Variants in CDON observed in about 807,000 individuals in gnomAD.
CDON encodes the protein cell adhesion associated, oncogene regulated, also known as cell adhesion molecule-related/down-regulated by oncogenes.
In CDON, 73 loss-of-function variants were observed where a neutral mutation model predicts 120.9. The ratio of observed to expected loss-of-function variants is 0.60; its 90% CI spans 0.50 to 0.73. CDON has a LOEUF of 0.73. Ranked by LOEUF, CDON falls within the 30% of genes least tolerant of loss-of-function variation. The probability of loss-of-function intolerance (pLI) is 0.00; values close to 1 mark genes in which losing one functional copy is unlikely to be tolerated. For synonymous variants in CDON, 566 were observed against 573.5 expected, an observed-to-expected ratio of 0.99 and a Z score of 0.19; for missense variants, 1,470 against 1,587.3, an observed-to-expected ratio of 0.93 and a Z score of 1.26.
intron 5 of CDON, among the ~76,000 whole-genome samples, chr11:126,017,751 C>T (rs2134673506): frequency 6.6e-6 from 1 of 150,664 alleles, no homozygotes; most frequent in Admixed American, 6.6e-5. Context: ...TTAATGACCA[C>T]TACTATAAAG....
chr11:125,974,134 G>A (rs1946082637), intron 18 of CDON, among the ~76,000 whole-genome samples: 1 of 151,526 alleles, frequency 6.6e-6, no homozygotes, highest in South Asian at 2.1e-4. Flanking sequence ...GACCTCAGGT[G>A]ATCCGCCCGC....
At chr11:125,999,203 C>T (rs1157355023) in intron 11 of CDON, among the ~76,000 whole-genome samples, 1 of 152,114 alleles carries the variant, frequency 6.6e-6, no homozygotes, top group African/African-American at 2.4e-5. Context: ...ACTAGAAAAA[C>T]CAAACAACTT....
intron 1 of CDON, among the ~76,000 whole-genome samples, chr11:126,060,577 A>C (rs1312206699): frequency 1.3e-5 from 2 of 152,182 alleles, no homozygotes; most frequent in Non-Finnish European, 2.9e-5. Flanking sequence ...ATTCTACAGA[A>C]GGAAAATTTT....
At chr11:125,982,074 C>T (rs1946328973) in intron 16 of CDON, among the ~76,000 whole-genome samples, 1 of 144,620 alleles carries the variant, frequency 6.9e-6, no homozygotes, top group Admixed American at 7.3e-5. Flanking sequence ...ACCTCTGCCT[C>T]CCGGGTTCAA....
chr11:126,000,592 G>A (rs927007682), intron 11 of CDON, among the ~76,000 whole-genome samples: 4 of 149,476 alleles, frequency 2.7e-5, no homozygotes, highest in Non-Finnish European at 5.9e-5. Flanking sequence ...ATCTGCCAGA[G>A]GGTGTATAAA....
rs371915998 is a variant in CDON at position 126,018,493 on chromosome 11, C to A, written c.497-20G>T. 4.8e-4 allele frequency: 777 copies of A among 1,609,290 alleles called. No individual in the cohort carries two copies. The highest frequency in any genetic ancestry group is 6.2e-4 in the Non-Finnish European group (729 of 1,175,882). ...AATTCTCTGAGGAAGGAAGGGAGTG[C>A]AGTTAGGCCTCTCCCTTTATGAAGG... On this transcript the variant is annotated intron_variant, in intron 4 of 19. Coordinates refer to ENST00000531738, the MANE Select transcript of CDON (RefSeq NM_001378964.1).
At chr11:126,031,585 G>C (rs1415540553) in intron 1 of CDON, among the ~76,000 whole-genome samples, 1 of 152,174 alleles carries the variant, frequency 6.6e-6, no homozygotes, top group African/African-American at 2.4e-5. Context: ...AACTGAGGGG[G>C]AGGACAGTGG....
chr11:125,992,591 T>C (rs766613258), intron 14 of CDON, among the ~76,000 whole-genome samples: 6 of 152,222 alleles, frequency 3.9e-5, no homozygotes, highest in Non-Finnish European at 8.8e-5. Context: ...CTAAAAGTTA[T>C]GGCAGAAAAG....
intron 18 of CDON, among the ~76,000 whole-genome samples, chr11:125,975,427 A>G (rs1480714488): frequency 1.6e-5 from 2 of 128,350 alleles, no homozygotes; most frequent in African/African-American, 5.9e-5. Flanking sequence ...AATATTTAAT[A>G]GGACTATTAT....
chr11:125,990,796 G>A (rs1000320410), intron 14 of CDON, among the ~76,000 whole-genome samples: 1 of 152,148 alleles, frequency 6.6e-6, no homozygotes, highest in African/African-American at 2.4e-5. Context: ...CAGGTCAACA[G>A]TACAAAACCC....
chr11:125,996,443 A>G (rs748140540), intron 12 of CDON, among the ~76,000 whole-genome samples: 4 of 152,174 alleles, frequency 2.6e-5, no homozygotes, highest in Admixed American at 2.0e-4. Context: ...TCACGCCTGT[A>G]ATCCCAGCAC....
intron 1 of CDON, among the ~76,000 whole-genome samples, chr11:126,062,235 C>T (rs1948815177): frequency 6.6e-6 from 1 of 152,112 alleles, no homozygotes; most frequent in Non-Finnish European, 1.5e-5. Context: ...AGGGACCCGG[C>T]TCCCTTGGGA....
intron 1 of CDON, among the ~76,000 whole-genome samples, chr11:126,055,537 A>C (rs577553568): frequency 6.6e-6 from 1 of 152,310 alleles, no homozygotes; most frequent in South Asian, 2.1e-4. Flanking sequence ...TGGATCCCAG[A>C]AAAGATCTTG....
In CDON at chr11:125,958,892, G is replaced by T. The variant is rs1443769932; in HGVS notation, c.*2050C>A. 6.6e-6 allele frequency: 1 copy of T among 152,266 alleles called. No individual in the cohort carries two copies. Among genetic ancestry groups the T allele is most frequent in the East Asian group, 1.9e-4 (1 of 5,192 alleles). 9.4% of individuals were successfully genotyped at this position (152,266 alleles called of 1,614,324 possible). Reference sequence around the variant, plus strand: ...CTAAAACTCCCTTTGTGACAGCATTGCTGTAACTTGATTGGCTAACACAGG... The same window carrying T: ...CTAAAACTCCCTTTGTGACAGCATTTCTGTAACTTGATTGGCTAACACAGG... On this transcript the variant is annotated 3_prime_UTR_variant, in exon 20 of 20. Coordinates refer to ENST00000531738, the MANE Select transcript of CDON (RefSeq NM_001378964.1).
At chr11:126,006,333 T>C (rs183528467) in intron 8 of CDON, among the ~76,000 whole-genome samples, 2 of 152,244 alleles carry the variant, frequency 1.3e-5, no homozygotes, top group East Asian at 3.9e-4. Flanking sequence ...TCTCTAAGAG[T>C]ATTCTTTTTA....
chr11:126,000,093 C>T (rs1028626769), intron 11 of CDON, among the ~76,000 whole-genome samples: 1 of 152,160 alleles, frequency 6.6e-6, no homozygotes, highest in Non-Finnish European at 1.5e-5. Context: ...TTCTCGTGAA[C>T]CCATAACACC....
At chr11:126,000,089 T>C (rs1946898158) in intron 11 of CDON, among the ~76,000 whole-genome samples, 1 of 152,194 alleles carries the variant, frequency 6.6e-6, no homozygotes, top group South Asian at 2.1e-4. Context: ...ATATTTCTCG[T>C]GAACCCATAA....
chr11:126,045,154 T>C (rs1353906807), intron 1 of CDON, among the ~76,000 whole-genome samples: 2 of 151,980 alleles, frequency 1.3e-5, no homozygotes, highest in Admixed American at 6.6e-5. Context: ...GCCTCCCGAG[T>C]AGCTGGGATT....
intron 18 of CDON, among the ~76,000 whole-genome samples, chr11:125,978,053 C>G (rs1946194277): frequency 6.6e-6 from 1 of 151,932 alleles, no homozygotes; most frequent in Admixed American, 6.6e-5. Flanking sequence ...AAACATTAAG[C>G]CTTATAATAA....
Sources: allele counts gnomAD v4.1 joint callset (sites outside exome capture counted in the v4.1 genomes callset), GRCh38; gene constraint gnomAD v4.1.1; transcripts MANE v1.5; gene names NCBI Gene and HGNC (gene_info 2026-07-23, HGNC 2026-07-21).